Variants in ATAD2B observed in about 807,000 individuals in gnomAD.
ATAD2B encodes the protein ATPase family AAA domain containing 2B, also known as ATPase family AAA domain-containing protein 2B.
In ATAD2B, 40 loss-of-function variants were observed where a neutral mutation model predicts 167.6. That is an observed-to-expected ratio of 0.24 (90% CI 0.19 to 0.31). The LOEUF is 0.31. ATAD2B is among the 10% of genes least tolerant of loss of function. The probability of loss-of-function intolerance (pLI) is 1.00; values close to 1 mark genes in which losing one functional copy is unlikely to be tolerated. For synonymous variants in ATAD2B, 579 were observed against 596.5 expected (o/e 0.97, Z 0.43); for missense variants, 1,242 against 1,757.2 (o/e 0.71, Z 5.24).
At chr2:23,784,417 C>T (rs916900660) in intron 21 of ATAD2B, among the ~76,000 whole-genome samples, 3 of 151,910 alleles carry the variant, frequency 2.0e-5, no homozygotes, top group African/African-American at 2.4e-5. Context: ...AAGAGCAGAA[C>T]GAACCTAAGA....
At chr2:23,706,682 C>A in the ATAD2B span, 8 of 1,490,756 alleles carry the variant, frequency 5.4e-6, no homozygotes, top group Middle Eastern at 1.7e-4. Context: ...AGAAAGCCCA[C>A]GATAAGACTG....
rs777041786 is a variant in ATAD2B at position 23,762,338 on chromosome 2, C to A, written c.3265G>T (p.Val1089Leu). 1 of 1,611,866 alleles carries A rather than the reference C, an allele frequency of 6.2e-7. No individual in the cohort carries two copies. Among genetic ancestry groups the A allele is most frequent in the Non-Finnish European group, 8.5e-7 (1 of 1,179,090 alleles). The part of the protein sequence containing the change: ...KEARIKRGLS[V>L]TSEQINPHST... ...TGAGGATTTATTTGTTCTGATGTTA[C>A]TGATAAGCCTGCAAGCAGAAGATAA... is the stretch of plus-strand genomic sequence containing the variant. Residue 1089 changes from valine (V) to leucine (L), a missense_variant, in exon 24 of 28, where the codon GTA (valine) becomes TTA (leucine). By Grantham distance (32) the Val-to-Leu change is conservative. Coordinates refer to ENST00000238789, the MANE Select transcript of ATAD2B (RefSeq NM_017552.4).
intron 1 of ATAD2B, among the ~76,000 whole-genome samples, chr2:23,920,012 G>C (rs1222288693): frequency 6.6e-6 from 1 of 152,046 alleles, no homozygotes; most frequent in East Asian, 1.9e-4. Context: ...TTAGCCAGAC[G>C]TGGTGGCTCA....
intron 23 of ATAD2B, among the ~76,000 whole-genome samples, chr2:23,763,025 C>T (rs989031605): frequency 2.0e-5 from 3 of 152,168 alleles, no homozygotes; most frequent in Non-Finnish European, 4.4e-5. Context: ...TCCAGATATA[C>T]AACTTCTGAT....
chr2:23,819,050 C>T (rs1687035583), intron 17 of ATAD2B, among the ~76,000 whole-genome samples: 1 of 152,160 alleles, frequency 6.6e-6, no homozygotes, highest in South Asian at 2.1e-4. Context: ...AAGTTTATTA[C>T]AAATTAAAGT....
chr2:23,761,606 T>C (rs1415254909), intron 24 of ATAD2B, among the ~76,000 whole-genome samples: 1 of 152,226 alleles, frequency 6.6e-6, no homozygotes, highest in Non-Finnish European at 1.5e-5. Flanking sequence ...AGGCTATCTT[T>C]AGTGAAACAG....
At chr2:23,820,083 ATTTAC>A (rs1384683796) in intron 16 of ATAD2B, among the ~76,000 whole-genome samples, 1 of 151,930 alleles carries the variant, frequency 6.6e-6, no homozygotes, top group African/African-American at 2.4e-5. Flanking sequence ...TTTACAGACT[ATTTAC>A]TTAAGTGTTA....
At chr2:23,779,214 C>G (rs1328275974) in intron 22 of ATAD2B, among the ~76,000 whole-genome samples, 4 of 130,722 alleles carry the variant, frequency 3.1e-5, no homozygotes, top group African/African-American at 1.2e-4. Flanking sequence ...CTCGCTCTGT[C>G]TCCCAGGCTG....
chr2:23,763,596 GT>G (rs1026332532), intron 23 of ATAD2B, among the ~76,000 whole-genome samples: 1 of 151,732 alleles, frequency 6.6e-6, no homozygotes, highest in Admixed American at 6.6e-5. Flanking sequence ...ATGTTTTGGG[GT>G]TTTTTTTGTT....
intron 17 of ATAD2B, among the ~76,000 whole-genome samples, chr2:23,816,589 A>G (rs1481951557): frequency 6.6e-6 from 1 of 152,190 alleles, no homozygotes; most frequent in Non-Finnish European, 1.5e-5. Flanking sequence ...TTATACATGC[A>G]TAGAGAGGAC....
intron 20 of ATAD2B, among the ~76,000 whole-genome samples, chr2:23,787,032 T>A (rs1572747303): frequency 6.9e-6 from 1 of 145,530 alleles, no homozygotes. Flanking sequence ...GAATGGCACC[T>A]GCAGGAAGGG....
At chr2:23,765,741 G>A (rs919502300) in intron 22 of ATAD2B, 113 bp from the exon 23 acceptor site, 2 of 653,330 alleles carry the variant, frequency 3.1e-6, no homozygotes, top group Non-Finnish European at 4.5e-6. Context: ...ATTGCTAGGT[G>A]AGAAAAAGTT....
intron 18 of ATAD2B, among the ~76,000 whole-genome samples, chr2:23,807,329 C>A (rs969311963): frequency 1.3e-5 from 2 of 152,072 alleles, no homozygotes; most frequent in Non-Finnish European, 2.9e-5. Flanking sequence ...TGGAGTTGAA[C>A]GCTCAACAGA....
rs150396373 is a variant in ATAD2B at position 23,862,020 on chromosome 2, T to C, written c.1479+1361A>G. ...CTTCAAGACCAGCCTAGGCAACACC[T>C]TGGGACCCTGTCTTTCCAAAAAGTT... On this transcript the variant is annotated intron_variant, in intron 12 of 27. Transcript: ENST00000238789. Among the ~76,000 whole-genome samples, 1,013 of 152,246 alleles carry C rather than the reference T, an allele frequency of 6.7e-3. 7 individuals are homozygous for C. Among genetic ancestry groups the C allele is most frequent in the Non-Finnish European group, 0.01 (714 of 68,006 alleles).
intron 12 of ATAD2B, among the ~76,000 whole-genome samples, chr2:23,861,834 G>C (rs1216707449): frequency 6.6e-6 from 1 of 152,072 alleles, no homozygotes; most frequent in African/African-American, 2.4e-5. Context: ...TTAGACACTG[G>C]ACACGTTCAA....
At position 23,870,285 on chromosome 2, in the gene ATAD2B, C is replaced by CTTT. The variant is rs5829912; in HGVS notation, c.978-527_978-525dup. Among the ~76,000 whole-genome samples, 69 of 105,638 alleles carry CTTT rather than the reference C, an allele frequency of 6.5e-4. 3 individuals are homozygous for CTTT. The highest frequency in any genetic ancestry group is 9.3e-4 in the Non-Finnish European group (52 of 55,998). 69.3% of individuals were successfully genotyped at this position (105,638 alleles called of 152,430 possible). ...ATTCAGGAAGGGAGTCAGTAACCAA[C>CTTT]TTTTTTTTTTTTTTTTTTTGAGACA... On this transcript the variant is annotated intron_variant, in intron 8 of 27. Transcript: ENST00000238789.
chr2:23,898,828 C>A (rs1238674345), intron 1 of ATAD2B, among the ~76,000 whole-genome samples: 1 of 151,716 alleles, frequency 6.6e-6, no homozygotes, highest in African/African-American at 2.4e-5. Context: ...CGTAATGAGA[C>A]CTTATCTCTA....
chr2:23,699,675 C>T, the ATAD2B span, among the ~76,000 whole-genome samples: 2 of 152,296 alleles, frequency 1.3e-5, no homozygotes, highest in South Asian at 2.1e-4. Flanking sequence ...CTGTTCAACC[C>T]AACCGTTTGC....
rs1202060261 is a variant in ATAD2B, at chr2:23,749,393, A to G, written c.*2653T>C. On this transcript the variant is annotated 3_prime_UTR_variant, in exon 28 of 28. Transcript: ENST00000238789. ...TTTATAATGCTCACAATAGGAAATA[A>G]GAACAGAGGTCAATTTGTACATATT... The G allele has an allele frequency of 6.6e-6, 1 of 152,202 alleles. No homozygotes were observed. The highest frequency in any genetic ancestry group is 1.9e-4 in the East Asian group (1 of 5,200). The allele number at this position is 152,202 out of a possible 1,614,324, so 9.4% of individuals were successfully genotyped here.
Sources: allele counts gnomAD v4.1 joint callset (sites outside exome capture counted in the v4.1 genomes callset), GRCh38; gene constraint gnomAD v4.1.1; transcripts MANE v1.5; gene names NCBI Gene and HGNC (gene_info 2026-07-23, HGNC 2026-07-21).